Variants in SLC6A20 observed in about 807,000 individuals in gnomAD.
SLC6A20 encodes the protein sodium- and chloride-dependent transporter XTRP3.
A neutral mutation model predicts 64.3 loss-of-function variants in SLC6A20; 73 were observed. The ratio of observed to expected loss-of-function variants is 1.14; its 90% confidence interval spans 0.94 to 1.38. The LOEUF (loss-of-function observed/expected upper bound fraction) is 1.38. Among genes scored for constraint, SLC6A20 ranks in the 40% most tolerant of loss-of-function variants. SLC6A20 has a pLI of 0.00. For synonymous variants in SLC6A20, 347 were observed against 329.6 expected (o/e 1.05, Z -0.57); for missense variants, 725 against 772.8 (o/e 0.94, Z 0.73).
rs1008600288 is a variant in SLC6A20 at position 45,783,036 on chromosome 3, G to A, written c.122-813C>T. ...GTCCACCTCTATGCACTTCCTTTGG[G>A]CTTTGTGCACAGCCCTGATGGTGCT... is the stretch of plus-strand genomic sequence containing the variant. On this transcript the variant is annotated intron_variant, in intron 1 of 10. Coordinates refer to ENST00000358525, the MANE Select transcript of SLC6A20 (RefSeq NM_020208.4). 5.9e-5 allele frequency among the ~76,000 whole-genome samples: 9 copies of A among 152,326 alleles called. 1 individual carries two copies. Among genetic ancestry groups the A allele is most frequent in the Admixed American group, 5.9e-4 (9 of 15,296 alleles).
At position 45,765,089 on chromosome 3, in the gene SLC6A20, T is replaced by G. The variant is rs1391901883; in HGVS notation, c.1303+448A>C. Among the ~76,000 whole-genome samples, 1 of 151,924 alleles carries G rather than the reference T, an allele frequency of 6.6e-6. No individual in the cohort carries two copies. The highest frequency in any genetic ancestry group is 2.4e-5 in the African/African-American group (1 of 41,330). ...TTAGCCAGGTGTCATGGCGTGCACC[T>G]GTAATCCCAGCTACTCGGGAGGGTG... is the stretch of plus-strand genomic sequence containing the variant. On this transcript the variant is annotated intron_variant, in intron 8 of 10. Transcript: ENST00000358525. This position sits in a 1 kb window ranked among gnomAD's most constrained non-coding sequence, Gnocchi z 4.2.
At chr3:45,776,842 G>A (rs1699976857) in intron 3 of SLC6A20, among the ~76,000 whole-genome samples, 1 of 152,230 alleles carries the variant, frequency 6.6e-6, no homozygotes, top group Non-Finnish European at 1.5e-5. Flanking sequence ...CAAGGCAGGC[G>A]GGGATTGGGA....
intron 1 of SLC6A20, chr3:45,790,222 A>C (rs935634290): frequency 1.2e-4 from 18 of 150,080 alleles, no homozygotes; most frequent in Admixed American, 8.5e-4. Context: ...ACAACAACAA[A>C]AACAAACAAA....
intron 1 of SLC6A20, among the ~76,000 whole-genome samples, chr3:45,784,945 C>G (rs1700148061): frequency 6.6e-6 from 1 of 152,180 alleles, no homozygotes; most frequent in African/African-American, 2.4e-5. Context: ...CCCACTCTCT[C>G]AATAACAAAA....
chr3:45,786,106 T>C (rs1346916872), intron 1 of SLC6A20, among the ~76,000 whole-genome samples: 1 of 152,242 alleles, frequency 6.6e-6, no homozygotes, highest in Non-Finnish European at 1.5e-5. Flanking sequence ...GATTAATTAT[T>C]GTTGCTTTAA....
rs1258292187 is a variant in SLC6A20 at position 45,777,017 on chromosome 3, T to A, written c.355-1029A>T. On this transcript the variant is annotated intron_variant, in intron 3 of 10. Transcript: ENST00000358525. The stretch of plus-strand genomic sequence containing the variant: ...AGATGGGAGGGAGGGGAGGAAAAGT[T>A]ACTTCTGACTGTGGGGTAGGAGACC... Among the ~76,000 whole-genome samples the A allele has an allele frequency of 2.0e-5, 3 of 152,122 alleles. No homozygotes were observed. In the East Asian group the frequency reaches 5.8e-4, roughly 29 times the overall value.
intron 7 of SLC6A20, among the ~76,000 whole-genome samples, chr3:45,769,478 A>C (rs1420231688): frequency 6.6e-6 from 1 of 152,128 alleles, no homozygotes; most frequent in Non-Finnish European, 1.5e-5. Context: ...AAAATTAAAA[A>C]AAAAACCCTC....
intron 6 of SLC6A20, among the ~76,000 whole-genome samples, chr3:45,770,891 A>G (rs1017694311): frequency 1.3e-5 from 2 of 152,252 alleles, no homozygotes; most frequent in Admixed American, 1.3e-4. Context: ...GGCCACAGAA[A>G]GTGAATCCTG....
chr3:45,765,849 C>A lies in SLC6A20; in HGVS notation c.1099-108G>T. The A allele has an allele frequency of 8.3e-7, 1 of 1,208,180 alleles. No individual in the cohort carries two copies. The highest frequency in any genetic ancestry group is 2.4e-5 in the East Asian group (1 of 41,488). 74.8% of individuals were successfully genotyped at this position (1,208,180 alleles called of 1,614,324 possible). On this transcript the variant is annotated intron_variant, in intron 7 of 10. Transcript: ENST00000358525. This position sits in a 1 kb window ranked among gnomAD's most constrained non-coding sequence, Gnocchi z 4.2. ...GACCTTGGAAGTGGCCATGAGAAGC[C>A]ACATTGTGAGGTTGGAGCTTCCATC...
intron 3 of SLC6A20, 124 bp downstream of exon 3, chr3:45,779,885 C>T: frequency 9.7e-7 from 1 of 1,034,358 alleles, no homozygotes; most frequent in Non-Finnish European, 1.4e-6. Context: ...CCTCACACCA[C>T]CCACCGGCTC....
chr3:45,758,539 A>G lies in SLC6A20; in HGVS notation c.*439T>C. 8.6e-7 allele frequency: 1 copy of G among 1,159,402 alleles called. No individual in the cohort carries two copies. Among genetic ancestry groups the G allele is most frequent in the Non-Finnish European group, 1.1e-6 (1 of 926,864 alleles). 71.8% of individuals were successfully genotyped at this position (1,159,402 alleles called of 1,614,324 possible). A position where few individuals can be genotyped will look rare whatever the true frequency, so the allele number is the denominator to read the frequency against. ...AGAGAATTAATTTTGCACCACTGAC[A>G]AATAGGTCATCTTAGGCACTTCAAA... On this transcript the variant is annotated 3_prime_UTR_variant, in exon 11 of 11. Coordinates refer to ENST00000358525, the MANE Select transcript of SLC6A20 (RefSeq NM_020208.4).
chr3:45,789,407 A>G (rs1700213332), intron 1 of SLC6A20, among the ~76,000 whole-genome samples: 1 of 152,212 alleles, frequency 6.6e-6, no homozygotes, highest in South Asian at 2.1e-4. Flanking sequence ...ATAAATATAA[A>G]CGGATCAAAT....
In SLC6A20 at chr3:45,758,750, C is replaced by T; in HGVS notation, c.*228G>A. 7.6e-7 allele frequency: 1 copy of T among 1,315,876 alleles called. No individual in the cohort carries two copies. The highest frequency in any genetic ancestry group is 9.7e-7 in the Non-Finnish European group (1 of 1,034,262). 81.5% of individuals were successfully genotyped at this position (1,315,876 alleles called of 1,614,324 possible). On this transcript the variant is annotated 3_prime_UTR_variant, in exon 11 of 11. Transcript: ENST00000358525. ...ATCTTTGAGACCGGCTTTCATAGCCCACCCCCTTCCATGATGAGGAGGCAG... is the reference window on the plus strand; with the variant it reads ...ATCTTTGAGACCGGCTTTCATAGCCTACCCCCTTCCATGATGAGGAGGCAG...
At position 45,773,677 on chromosome 3, in the gene SLC6A20, T is replaced by C. The variant is rs114257039; in HGVS notation, c.583-1062A>G. ...ATATGGCTGGTGGCCTATGTTCAGG[T>C]GGGCTTGAATTACACTTGGCCCTCC... On this transcript the variant is annotated intron_variant, in intron 4 of 10. Coordinates refer to ENST00000358525, the MANE Select transcript of SLC6A20 (RefSeq NM_020208.4). Among the ~76,000 whole-genome samples the C allele has an allele frequency of 8.2e-3, 1,137 of 137,824 alleles. 5 individuals carry two copies. Among genetic ancestry groups the C allele is most frequent in the Admixed American group, 0.012 (158 of 12,712 alleles). 90.4% of individuals were successfully genotyped at this position (137,824 alleles called of 152,430 possible).
At chr3:45,784,055 A>G (rs974022879) in intron 1 of SLC6A20, among the ~76,000 whole-genome samples, 2 of 152,212 alleles carry the variant, frequency 1.3e-5, no homozygotes, top group Non-Finnish European at 2.9e-5. Flanking sequence ...TTAAACAGTA[A>G]CTATGTAAGG....
chr3:45,765,425 C>A lies in SLC6A20; in HGVS notation c.1303+112G>T, dbSNP rs1699757927. ...CAGGACCGTGGTGAGGTGGCTGCAA[C>A]CCCCTGTAGCCACCTGAACCAGCCC... On this transcript the variant is annotated intron_variant, in intron 8 of 10. Coordinates refer to ENST00000358525, the MANE Select transcript of SLC6A20 (RefSeq NM_020208.4). The surrounding 1 kb of genome is among the most constrained non-coding windows in gnomAD (Gnocchi z 4.2). 3.3e-6 allele frequency: 4 copies of A among 1,200,690 alleles called. No individual in the cohort carries two copies. The highest frequency in any genetic ancestry group is 4.7e-6 in the Non-Finnish European group (4 of 857,444). 74.4% of individuals were successfully genotyped at this position (1,200,690 alleles called of 1,614,324 possible). A position where few individuals can be genotyped will look rare whatever the true frequency, so the allele number is the denominator to read the frequency against.
intron 1 of SLC6A20, 53 bp from the exon 2 acceptor site, chr3:45,782,276 C>A: frequency 6.4e-7 from 1 of 1,571,560 alleles, no homozygotes; most frequent in Middle Eastern, 1.7e-4. Context: ...CTTTTCTCCA[C>A]GACCACTCAA....
At position 45,763,093 on chromosome 3, in the gene SLC6A20, T is replaced by G. The variant is rs371671713; in HGVS notation, c.1304-21A>C. 5.7e-5 allele frequency: 92 copies of G among 1,613,138 alleles called. No individual in the cohort carries two copies. In the African/African-American group the frequency reaches 9.5e-4, roughly 17 times the overall value. ...CAGACCTGGGGGCCACAAGACCAGC[T>G]GCTCACCTGCCCGAGACCCCCCCAC... is the stretch of plus-strand genomic sequence containing the variant. On this transcript the variant is annotated intron_variant, in intron 8 of 10. Coordinates refer to ENST00000358525, the MANE Select transcript of SLC6A20 (RefSeq NM_020208.4).
intron 4 of SLC6A20, among the ~76,000 whole-genome samples, chr3:45,775,180 A>G (rs1699942888): frequency 6.6e-6 from 1 of 152,142 alleles, no homozygotes; most frequent in Admixed American, 6.5e-5. Flanking sequence ...ATCAAGCCCG[A>G]CAGCTCTGGA....
Sources: allele counts gnomAD v4.1 joint callset (sites outside exome capture counted in the v4.1 genomes callset), GRCh38; gene constraint gnomAD v4.1.1; non-coding constraint Gnocchi (gnomAD v3.1); transcripts MANE v1.5; gene names NCBI Gene and HGNC (gene_info 2026-07-23, HGNC 2026-07-21).